CSMD1: variants seen among roughly 807,000 people sequenced by gnomAD.
The protein encoded by CSMD1 is CUB and Sushi multiple domains 1.
Under a neutral mutation model 417.5 loss-of-function variants are expected in CSMD1, and 213 were observed. The ratio of observed to expected loss-of-function variants is 0.51; its 90% CI spans 0.46 to 0.57. The LOEUF (loss-of-function observed/expected upper bound fraction) is 0.57. Among genes scored for constraint, CSMD1 ranks in the 20% least tolerant of loss-of-function variants. CSMD1 has a pLI of 0.00. For missense variants in CSMD1, 6,923 were observed against 4,529.7 expected (o/e 1.53, Z -15.17); for synonymous variants, 2,862 against 1,736.8 (o/e 1.65, Z -16.11).
intron 12 of CSMD1, among the ~76,000 whole-genome samples, chr8:3,416,856 C>G (rs1813186384): frequency 1.3e-5 from 2 of 152,230 alleles, no homozygotes; most frequent in Non-Finnish European, 2.9e-5. Flanking sequence ...CAGGTTCTTT[C>G]TCTTCCCTTC....
intron 2 of CSMD1, among the ~76,000 whole-genome samples, chr8:4,568,400 AC>A (rs1489650277): frequency 6.6e-6 from 1 of 151,988 alleles, no homozygotes; most frequent in Non-Finnish European, 1.5e-5. Context: ...CTGTGTCTTT[AC>A]TGAGAATGGT....
intron 14 of CSMD1, among the ~76,000 whole-genome samples, chr8:3,407,692 G>A (rs756795727): frequency 2.0e-5 from 3 of 152,192 alleles, no homozygotes; most frequent in African/African-American, 7.2e-5. Context: ...TAGTTTAGGA[G>A]TGATGAAGCC....
At chr8:4,357,847 T>G (rs1172390394) in intron 3 of CSMD1, among the ~76,000 whole-genome samples, 3 of 152,220 alleles carry the variant, frequency 2.0e-5, no homozygotes, top group East Asian at 3.9e-4. Context: ...GTGAGTAATA[T>G]CACTTAAAAT....
Position 3,133,455 on chromosome 8 carries a change from G to A in CSMD1, c.6241+9010C>T, listed in dbSNP as rs1203457617. Among the ~76,000 whole-genome samples the A allele has an allele frequency of 2.6e-5, 4 of 152,290 alleles. No homozygotes were observed. The East Asian group carries it at 7.8e-4, about 30-fold the overall frequency. On this transcript the variant is annotated intron_variant, in intron 41 of 69. Coordinates refer to ENST00000635120, the MANE Select transcript of CSMD1 (RefSeq NM_033225.6). ...ACTTATAGCAGCTGGGGGTGCCTTG[G>A]CCTCAGGGGAAGAGAGGCGCCCCTG...
intron 25 of CSMD1, among the ~76,000 whole-genome samples, chr8:3,297,265 G>T (rs185595138): frequency 1.1e-4 from 17 of 152,228 alleles, no homozygotes; most frequent in Admixed American, 9.2e-4. Flanking sequence ...ATGATCTATT[G>T]ATGTCATGGG....
chr8:3,251,223 C>A (rs573326887), intron 26 of CSMD1, among the ~76,000 whole-genome samples: 4 of 152,150 alleles, frequency 2.6e-5, no homozygotes, highest in Admixed American at 6.5e-5. Flanking sequence ...TTTAACCCAT[C>A]TTGAATTAAT....
chr8:4,966,797 A>T (rs1300753654), intron 1 of CSMD1, among the ~76,000 whole-genome samples: 4 of 152,190 alleles, frequency 2.6e-5, no homozygotes, highest in Admixed American at 2.6e-4. Flanking sequence ...GAACTGTAAA[A>T]ATCCAAAGAA....
At position 4,712,635 on chromosome 8, in the gene CSMD1, G is replaced by A. The variant is rs538005982; in HGVS notation, c.86-75077C>T. Among the ~76,000 whole-genome samples, 26 of 152,292 alleles carry A rather than the reference G, an allele frequency of 1.7e-4. No individual in the cohort carries two copies. In the South Asian group the frequency reaches 4.1e-3, roughly 24 times the overall value. ...GATTTGTTTATTTTTGATGAGATTT[G>A]CAGCATCTTTTTCCTCTAATTGGGC... On this transcript the variant is annotated intron_variant, in intron 1 of 69. Coordinates refer to ENST00000635120, the MANE Select transcript of CSMD1 (RefSeq NM_033225.6).
chr8:4,610,249 G>A (rs1375194051), intron 2 of CSMD1, among the ~76,000 whole-genome samples: 5 of 152,160 alleles, frequency 3.3e-5, no homozygotes, highest in Non-Finnish European at 2.9e-5. Context: ...CCTTCATAGA[G>A]ATCAAGTGGG....
intron 1 of CSMD1, among the ~76,000 whole-genome samples, chr8:4,725,967 A>T (rs1809409326): frequency 6.6e-6 from 1 of 152,058 alleles, no homozygotes; most frequent in Non-Finnish European, 1.5e-5. Context: ...AGTTATTAGG[A>T]TTTACAGTGG....
intron 1 of CSMD1, among the ~76,000 whole-genome samples, chr8:4,841,911 C>CAAACAAAACAAAAAAAAAAAAAAAAAAA (rs779855887): frequency 2.9e-5 from 1 of 34,846 alleles, no homozygotes; most frequent in Non-Finnish European, 4.3e-5. Flanking sequence ...AACTCCGTCT[C>CAAACAAAACAAAAAAAAAAAAAAAAAAA]AAAAAAAAAA....
intron 3 of CSMD1, among the ~76,000 whole-genome samples, chr8:4,380,454 C>T (rs764914100): frequency 2.0e-5 from 3 of 152,272 alleles, no homozygotes; most frequent in East Asian, 1.9e-4. Context: ...GTTTACCAGT[C>T]GGCCTCCAAT....
intron 18 of CSMD1, among the ~76,000 whole-genome samples, chr8:3,376,454 T>C (rs117725049): frequency 9.9e-5 from 15 of 151,986 alleles, no homozygotes; most frequent in African/African-American, 3.4e-4. Flanking sequence ...TTATTCATAA[T>C]AAAAAAGATA....
At chr8:4,797,928 A>G (rs1798067790) in intron 1 of CSMD1, among the ~76,000 whole-genome samples, 1 of 152,254 alleles carries the variant, frequency 6.6e-6, no homozygotes, top group Non-Finnish European at 1.5e-5. Flanking sequence ...ACAGATCTCC[A>G]TAAATGAAGA....
chr8:3,760,981 G>A (rs116384610), intron 5 of CSMD1, among the ~76,000 whole-genome samples: 1,928 of 151,146 alleles, frequency 0.013, 41 homozygotes, highest in African/African-American at 0.044. Context: ...TGCATTTTCT[G>A]GACATGCAAT....
At chr8:4,951,001 A>C (rs79131917) in intron 1 of CSMD1, among the ~76,000 whole-genome samples, 58 of 144,570 alleles carry the variant, frequency 4.0e-4, no homozygotes, top group East Asian at 1.6e-3. Flanking sequence ...AACAAACAAA[A>C]AAAATTAATA....
At chr8:3,831,854 A>G (rs576992852) in intron 5 of CSMD1, among the ~76,000 whole-genome samples, 47 of 152,314 alleles carry the variant, frequency 3.1e-4, no homozygotes, top group African/African-American at 8.9e-4. Flanking sequence ...TTGTTCATAT[A>G]ACATAGCATC....
At chr8:2,986,952 G>A (rs147963768) in intron 54 of CSMD1, among the ~76,000 whole-genome samples, 602 of 152,092 alleles carry the variant, frequency 4.0e-3, no homozygotes, top group Non-Finnish European at 4.9e-3. Flanking sequence ...ATAACACAAG[G>A]AAGTGGCATA....
intron 17 of CSMD1, among the ~76,000 whole-genome samples, chr8:3,390,773 T>C (rs534637093): frequency 2.6e-5 from 4 of 152,290 alleles, no homozygotes; most frequent in South Asian, 4.1e-4. Flanking sequence ...CGGAGGTACA[T>C]TTGATATGAG....
Sources: allele counts gnomAD v4.1 joint callset (sites outside exome capture counted in the v4.1 genomes callset), GRCh38; gene constraint gnomAD v4.1.1; transcripts MANE v1.5; gene names NCBI Gene and HGNC (gene_info 2026-07-23, HGNC 2026-07-21).